The following TAFA1 variants were observed in gnomAD, a reference collection of about 807,000 sequenced individuals.
TAFA1 encodes the protein TAFA chemokine like family member 1.
A neutral mutation model predicts 18.5 loss-of-function variants in TAFA1; 4 were observed. The ratio of observed to expected loss-of-function variants is 0.22; its 90% CI spans 0.11 to 0.49. The LOEUF (loss-of-function observed/expected upper bound fraction) is 0.49, where lower values mean the gene tolerates loss of function less well. Ranked by LOEUF, TAFA1 falls within the 20% of genes least tolerant of loss-of-function variation. The pLI is 0.98. For synonymous variants in TAFA1, 56 were observed against 55.2 expected (o/e 1.01, Z -0.06); for missense variants, 147 against 169.0 (o/e 0.87, Z 0.72).
At chr3:68,433,006 C>A (rs555439594) in intron 3 of TAFA1, among the ~76,000 whole-genome samples, 1 of 152,086 alleles carries the variant, frequency 6.6e-6, no homozygotes, top group South Asian at 2.1e-4. Context: ...ATGCACCTAG[C>A]CTAATCCGTT....
At chr3:68,323,538 C>T (rs2068725764) in intron 2 of TAFA1, among the ~76,000 whole-genome samples, 2 of 152,106 alleles carry the variant, frequency 1.3e-5, no homozygotes, top group South Asian at 2.1e-4. Flanking sequence ...ACGGACTGTC[C>T]TCGTATGTGT....
chr3:68,237,913 G>C (rs2066947489), intron 2 of TAFA1, among the ~76,000 whole-genome samples: 2 of 151,730 alleles, frequency 1.3e-5, no homozygotes. Context: ...GATATAAAAA[G>C]GCATCACTGA....
intron 2 of TAFA1, among the ~76,000 whole-genome samples, chr3:68,102,815 G>A (rs553537714): frequency 6.6e-6 from 1 of 152,238 alleles, no homozygotes; most frequent in East Asian, 1.9e-4. Flanking sequence ...CTGGCACAAG[G>A]TCTTGGGCTT....
At chr3:68,167,952 T>A (rs564918016) in intron 2 of TAFA1, among the ~76,000 whole-genome samples, 5 of 152,228 alleles carry the variant, frequency 3.3e-5, no homozygotes, top group African/African-American at 1.2e-4. Flanking sequence ...ACGTGTTTTT[T>A]TAAGAATCTG....
intron 2 of TAFA1, among the ~76,000 whole-genome samples, chr3:68,327,502 C>T (rs1231739873): frequency 1.3e-5 from 2 of 152,116 alleles, no homozygotes; most frequent in African/African-American, 4.8e-5. Flanking sequence ...AGTACTAGAT[C>T]ACCACTTGCT....
chr3:68,124,991 G>C (rs2065446639), intron 2 of TAFA1, among the ~76,000 whole-genome samples: 2 of 152,194 alleles, frequency 1.3e-5, no homozygotes, highest in Admixed American at 1.3e-4. Flanking sequence ...TCATCCACTT[G>C]GCGTTGACTG....
chr3:68,067,251 T>C (rs2064690435), intron 2 of TAFA1, among the ~76,000 whole-genome samples: 1 of 152,224 alleles, frequency 6.6e-6, no homozygotes, highest in Non-Finnish European at 1.5e-5. Flanking sequence ...AGGATTTGCC[T>C]CTTTAATTGT....
chr3:68,068,846 C>T (rs987112535), intron 2 of TAFA1, among the ~76,000 whole-genome samples: 1 of 152,160 alleles, frequency 6.6e-6, no homozygotes, highest in Non-Finnish European at 1.5e-5. Context: ...CATTTTGGAG[C>T]ACGTATTATG....
At chr3:68,329,502 G>GA (rs1245137355) in intron 2 of TAFA1, among the ~76,000 whole-genome samples, 1 of 152,160 alleles carries the variant, frequency 6.6e-6, no homozygotes, top group Non-Finnish European at 1.5e-5. Flanking sequence ...TCAGTGTGGT[G>GA]ATGGTTAATG....
chr3:68,216,442 A>AT (rs1321064296), intron 2 of TAFA1, among the ~76,000 whole-genome samples: 1 of 152,128 alleles, frequency 6.6e-6, no homozygotes, highest in Non-Finnish European at 1.5e-5. Flanking sequence ...GACTTTAGTA[A>AT]TTTTGGAAAT....
At chr3:68,543,736 A>T (rs2073414236) in intron 4 of TAFA1, among the ~76,000 whole-genome samples, 1 of 152,184 alleles carries the variant, frequency 6.6e-6, no homozygotes, top group African/African-American at 2.4e-5. Flanking sequence ...ATTGTTATTT[A>T]TGCTTGAAGT....
chr3:68,226,645 C>T (rs1474468962), intron 2 of TAFA1, among the ~76,000 whole-genome samples: 1 of 152,170 alleles, frequency 6.6e-6, no homozygotes, highest in Non-Finnish European at 1.5e-5. Flanking sequence ...TTGTGTAACA[C>T]ATTTTACAAG....
chr3:68,001,146 G>C (rs1373635121), upstream of TAFA1, among the ~76,000 whole-genome samples: 1 of 152,172 alleles, frequency 6.6e-6, no homozygotes, highest in Non-Finnish European at 1.5e-5. Context: ...AGAAAAGGAG[G>C]TGAAGCTGGT....
chr3:68,262,383 A>G (rs1247948832), intron 2 of TAFA1, among the ~76,000 whole-genome samples: 2 of 137,476 alleles, frequency 1.5e-5, no homozygotes, highest in African/African-American at 5.4e-5. Flanking sequence ...GAACCCAGCC[A>G]GGTAGTGAGC....
intron 2 of TAFA1, among the ~76,000 whole-genome samples, chr3:68,369,339 G>A (rs1046221489): frequency 1.3e-5 from 2 of 152,144 alleles, no homozygotes; most frequent in African/African-American, 4.8e-5. Context: ...TTGATATGAA[G>A]AAAAAGGTGA....
rs73836842 is a variant in TAFA1 at position 68,279,919 on chromosome 3, G to C, written c.119-137361G>C. On this transcript the variant is annotated intron_variant, in intron 2 of 4. Coordinates refer to ENST00000478136, the MANE Select transcript of TAFA1 (RefSeq NM_213609.4). ...TTTGTAGCCTTAATGATATACAACTGTAGATTTTTCCATTTTAAGTAATAT... is the reference window on the plus strand; with the variant it reads ...TTTGTAGCCTTAATGATATACAACTCTAGATTTTTCCATTTTAAGTAATAT... Among the ~76,000 whole-genome samples, 1,043 of 152,228 alleles carry C rather than the reference G, an allele frequency of 6.9e-3. 12 individuals are homozygous for C. The highest frequency in any genetic ancestry group is 0.023 in the African/African-American group (960 of 41,550).
At chr3:68,213,420 C>T (rs1300112046) in intron 2 of TAFA1, among the ~76,000 whole-genome samples, 4 of 152,010 alleles carry the variant, frequency 2.6e-5, no homozygotes, top group Non-Finnish European at 2.9e-5. Flanking sequence ...TTAAAAATCT[C>T]AAAAGAGAGC....
intron 2 of TAFA1, among the ~76,000 whole-genome samples, chr3:68,261,430 A>G (rs895866846): frequency 6.6e-6 from 1 of 152,184 alleles, no homozygotes; most frequent in African/African-American, 2.4e-5. Context: ...TACCCAAAGG[A>G]TTATAAATCA....
intron 2 of TAFA1, among the ~76,000 whole-genome samples, chr3:68,197,165 G>A (rs1175075262): frequency 1.3e-5 from 2 of 151,682 alleles, no homozygotes; most frequent in Non-Finnish European, 2.9e-5. Flanking sequence ...AAGTAAATGT[G>A]TAGTAATTTA....
Sources: allele counts gnomAD v4.1 joint callset (sites outside exome capture counted in the v4.1 genomes callset), GRCh38; gene constraint gnomAD v4.1.1; transcripts MANE v1.5; gene names NCBI Gene and HGNC (gene_info 2026-07-23, HGNC 2026-07-21).